EPG5: variants seen among roughly 807,000 people sequenced by gnomAD.
EPG5 encodes the protein ectopic P granules protein 5 homolog.
Under a neutral mutation model 302.7 loss-of-function variants are expected in EPG5, and 159 were observed. That is an observed-to-expected ratio of 0.53 (90% CI 0.46 to 0.60). The LOEUF (loss-of-function observed/expected upper bound fraction) is 0.60, where lower values mean the gene tolerates loss of function less well. Among genes scored for constraint, EPG5 ranks in the 20% least tolerant of loss-of-function variants. EPG5 has a pLI of 0.00. For missense variants in EPG5, 2,896 were observed against 3,092.4 expected (o/e 0.94, Z 1.51); for synonymous variants, 1,158 against 1,136.8 (o/e 1.02, Z -0.37).
the EPG5 span, among the ~76,000 whole-genome samples, chr18:45,810,414 A>G: frequency 6.6e-6 from 1 of 152,216 alleles, no homozygotes; most frequent in Non-Finnish European, 1.5e-5. Flanking sequence ...AAAACCAAAA[A>G]AGAAAACTAC....
the EPG5 span, chr18:45,828,964 C>G: frequency 1.4e-5 from 5 of 361,218 alleles, no homozygotes; most frequent in Non-Finnish European, 1.9e-5. Context: ...GGGCACTTCT[C>G]TCCCAGTGGC....
chr18:45,867,149 G>C, intron 37 of EPG5, 142 bp from the exon 38 acceptor site: 1 of 646,218 alleles, frequency 1.5e-6, no homozygotes, highest in Non-Finnish European at 2.7e-6. Context: ...GTATCTACTC[G>C]AGTTAGGAGT....
chr18:45,897,361 A>G (rs1184790669), intron 27 of EPG5, among the ~76,000 whole-genome samples: 1 of 152,262 alleles, frequency 6.6e-6, no homozygotes, highest in African/African-American at 2.4e-5. Flanking sequence ...CAGTCTGGCA[A>G]AGATATGTAG....
At chr18:45,879,291 G>T in intron 32 of EPG5, 77 bp from the exon 33 acceptor site, 3 of 992,476 alleles carry the variant, frequency 3.0e-6, no homozygotes, top group East Asian at 2.4e-5. Flanking sequence ...TGTGATGGGG[G>T]TGTATATAGT....
intron 27 of EPG5, 22 bp downstream of exon 27, chr18:45,899,382 C>A (rs201360825): frequency 5.0e-5 from 80 of 1,613,316 alleles, no homozygotes; most frequent in Non-Finnish European, 6.7e-5. Flanking sequence ...TCTCTCAGTT[C>A]TGAAGAAATT....
intron 30 of EPG5, 35 bp from the exon 31 acceptor site, chr18:45,882,522 T>G: frequency 1.9e-6 from 3 of 1,566,234 alleles, no homozygotes; most frequent in Non-Finnish European, 2.6e-6. Context: ...CCGTTTTATT[T>G]GCACTAGAAA....
the EPG5 span, among the ~76,000 whole-genome samples, chr18:45,817,351 C>A: frequency 7.9e-5 from 12 of 152,282 alleles, no homozygotes; most frequent in East Asian, 2.3e-3. Flanking sequence ...AAAAAAGTTT[C>A]TTTCCTTTCT....
chr18:45,838,822 G>A, the EPG5 span: 2 of 1,561,594 alleles, frequency 1.3e-6, no homozygotes, highest in African/African-American at 1.4e-5. Flanking sequence ...CGCCTGGTCC[G>A]GCCCGGCCCT....
chr18:45,875,315 C>T (rs2048946052), intron 35 of EPG5, among the ~76,000 whole-genome samples: 1 of 152,104 alleles, frequency 6.6e-6, no homozygotes, highest in Non-Finnish European at 1.5e-5. Context: ...TAAACAGCAG[C>T]ATAAGACAAC....
At chr18:45,846,963 T>G (rs2048370319), downstream of EPG5, among the ~76,000 whole-genome samples, 2 of 152,204 alleles carry the variant, frequency 1.3e-5, 1 homozygote, top group Admixed American at 1.3e-4. Flanking sequence ...TGGAGACAGC[T>G]AACTTGGCTG....
At chr18:45,838,254 A>G in the EPG5 span, among the ~76,000 whole-genome samples, 1 of 152,186 alleles carries the variant, frequency 6.6e-6, no homozygotes, top group Non-Finnish European at 1.5e-5. Context: ...CCAGCCCGGA[A>G]AGACACTCGC....
At chr18:45,842,182 C>A in the EPG5 span, 16 of 1,614,036 alleles carry the variant, frequency 9.9e-6, 2 homozygotes, top group Admixed American at 2.7e-4. Flanking sequence ...CATGTGCTCA[C>A]CGTGAGGAGT....
At position 45,954,613 on chromosome 18, in the gene EPG5, C is replaced by T; in HGVS notation, c.789G>A (p.Leu263=). ...VPFTKEQLKI[L]EPGSWLENVE... Reference sequence around the variant, plus strand: ...CATTTTCCAGCCATGAACCAGGCTCCAAGATTTTTAGCTGTTCTTTAGTAA... The same window carrying T: ...CATTTTCCAGCCATGAACCAGGCTCTAAGATTTTTAGCTGTTCTTTAGTAA... Residue 263 remains leucine, a synonymous_variant, in exon 2 of 44, where the codon TTG becomes TTA. Transcript: ENST00000282041. 6.2e-7 allele frequency: 1 copy of T among 1,614,226 alleles called. No homozygotes were observed. The highest frequency in any genetic ancestry group is 8.5e-7 in the Non-Finnish European group (1 of 1,180,044).
At chr18:45,855,221 C>T in intron 43 of EPG5, 1 of 177,610 alleles carries the variant, frequency 5.6e-6, no homozygotes, top group South Asian at 1.7e-4. Context: ...CCAACTGTAG[C>T]CACATCTTCT....
At chr18:45,939,574 T>A in intron 10 of EPG5, 26 bp downstream of exon 10, 1 of 1,611,272 alleles carries the variant, frequency 6.2e-7, no homozygotes, top group South Asian at 1.1e-5. Context: ...TACTTCTCAC[T>A]AAATATCATC....
At position 45,878,367 on chromosome 18, in the gene EPG5, A is replaced by G; in HGVS notation, c.5942+9T>C. ...TCAAAGGAATTTGAATATCTAAAAA[A>G]CTGTTTACCTTTCGTTGTCCTCTAA... On this transcript the variant is annotated intron_variant, in intron 34 of 43. Transcript: ENST00000282041. 1.3e-6 allele frequency: 2 copies of G among 1,580,884 alleles called. No individual in the cohort carries two copies. The highest frequency in any genetic ancestry group is 1.7e-6 in the Non-Finnish European group (2 of 1,150,784).
chr18:45,904,247 T>A, intron 24 of EPG5, 130 bp from the exon 25 acceptor site: 1 of 995,798 alleles, frequency 1.0e-6, no homozygotes, highest in Non-Finnish European at 1.4e-6. Flanking sequence ...CCTCCACCAT[T>A]AGGATAAATT....
At chr18:45,904,874 A>G (rs142700630) in intron 24 of EPG5, among the ~76,000 whole-genome samples, 131 of 152,326 alleles carry the variant, frequency 8.6e-4, no homozygotes, top group Non-Finnish European at 1.5e-3. Flanking sequence ...ATCTTTTAAA[A>G]TCTTCATGCA....
At chr18:45,906,418 T>C (rs1367109477) in intron 24 of EPG5, among the ~76,000 whole-genome samples, 1 of 152,166 alleles carries the variant, frequency 6.6e-6, no homozygotes, top group African/African-American at 2.4e-5. Flanking sequence ...TGCCCTACCC[T>C]GCACCTTTCT....
Sources: allele counts gnomAD v4.1 joint callset (sites outside exome capture counted in the v4.1 genomes callset), GRCh38; gene constraint gnomAD v4.1.1; transcripts MANE v1.5; gene names NCBI Gene and HGNC (gene_info 2026-07-23, HGNC 2026-07-21).